CACNA1B: variants seen among roughly 807,000 people sequenced by gnomAD.
CACNA1B encodes the protein calcium voltage-gated channel subunit alpha1 B.
A neutral mutation model predicts 247.2 loss-of-function variants in CACNA1B; 70 were observed. The observed-to-expected ratio is 0.28, with a 90% CI of 0.23 to 0.35. The LOEUF (loss-of-function observed/expected upper bound fraction) is 0.35. Among genes scored for constraint, CACNA1B ranks in the 10% least tolerant of loss-of-function variants. CACNA1B has a pLI of 1.00. For synonymous variants in CACNA1B, 1,231 were observed against 1,294.4 expected (o/e 0.95, Z 1.05); for missense variants, 2,367 against 3,197.4 (o/e 0.74, Z 6.26).
At chr9:138,080,240 GA>G (rs1208487295) in intron 36 of CACNA1B, among the ~76,000 whole-genome samples, 1 of 152,180 alleles carries the variant, frequency 6.6e-6, no homozygotes, top group Non-Finnish European at 1.5e-5. Context: ...TATTGTGCTG[GA>G]CGTGGGATCA....
intron 3 of CACNA1B, among the ~76,000 whole-genome samples, chr9:137,906,192 G>A (rs1027686934): frequency 6.6e-6 from 1 of 152,160 alleles, no homozygotes; most frequent in African/African-American, 2.4e-5. Flanking sequence ...GATGTTTTCC[G>A]GCCCCAGAGG....
At chr9:137,985,419 C>A (rs1958345307) in intron 13 of CACNA1B, among the ~76,000 whole-genome samples, 1 of 152,186 alleles carries the variant, frequency 6.6e-6, no homozygotes, top group Admixed American at 6.5e-5. Context: ...GGTCTGGCAT[C>A]TTAGGCTCCA....
intron 20 of CACNA1B, 46 bp downstream of exon 20, chr9:138,025,218 G>A (rs896528428): frequency 7.4e-7 from 1 of 1,349,144 alleles, no homozygotes; most frequent in Non-Finnish European, 1.0e-6. Flanking sequence ...TCTTGTGCAG[G>A]TCCAGCAACC....
At chr9:138,041,227 C>T (rs997449756) in intron 20 of CACNA1B, among the ~76,000 whole-genome samples, 1 of 152,178 alleles carries the variant, frequency 6.6e-6, no homozygotes, top group Non-Finnish European at 1.5e-5. Context: ...CACCTTGAAG[C>T]GAACCCAAGG....
In CACNA1B at chr9:137,917,981, C is replaced by T. The variant is rs748070035; in HGVS notation, c.966+550C>T. Among the ~76,000 whole-genome samples the T allele has an allele frequency of 7.9e-5, 12 of 152,218 alleles. No homozygotes were observed. The highest frequency in any genetic ancestry group is 2.1e-4 in the South Asian group (1 of 4,832). Reference sequence around the variant, plus strand: ...CTGGGCCTCCCGTCCCCAGGCTGCCCGGCGAAGGTGGTGAACCGCGGAGCA... The same window carrying T: ...CTGGGCCTCCCGTCCCCAGGCTGCCTGGCGAAGGTGGTGAACCGCGGAGCA... On this transcript the variant is annotated intron_variant, in intron 6 of 46. Transcript: ENST00000371372. The surrounding 1 kb of genome is among the most constrained non-coding windows in gnomAD (Gnocchi z 5.5).
At chr9:137,897,510 G>A (rs1443010689) in intron 3 of CACNA1B, among the ~76,000 whole-genome samples, 1 of 152,042 alleles carries the variant, frequency 6.6e-6, no homozygotes, top group East Asian at 1.9e-4. Context: ...AACCCGGAAG[G>A]TAGAGGTTGC....
intron 3 of CACNA1B, among the ~76,000 whole-genome samples, chr9:137,910,271 A>T (rs921387506): frequency 7.9e-5 from 12 of 152,098 alleles, no homozygotes; most frequent in Non-Finnish European, 1.6e-4. Flanking sequence ...AAGAGTATTT[A>T]TATTTTCTGG....
intron 15 of CACNA1B, among the ~76,000 whole-genome samples, chr9:137,998,969 ACTTTGAC>A (rs1958532104): frequency 6.6e-6 from 1 of 152,210 alleles, no homozygotes; most frequent in South Asian, 2.1e-4. Flanking sequence ...ACATTTGCAG[ACTTTGAC>A]CATTTATTAG....
At chr9:138,004,719 A>G (rs982155023) in intron 15 of CACNA1B, among the ~76,000 whole-genome samples, 1 of 152,148 alleles carries the variant, frequency 6.6e-6, no homozygotes, top group Non-Finnish European at 1.5e-5. Context: ...AACCCTAAAG[A>G]CTTGGATCCA....
chr9:137,956,642 A>C (rs2133344467), intron 8 of CACNA1B, 129 bp from the exon 9 acceptor site: 1 of 635,040 alleles, frequency 1.6e-6, no homozygotes, highest in African/African-American at 1.9e-5. Context: ...TGACAGAGCG[A>C]GACTCCATCT....
chr9:138,031,567 T>C (rs1958988646), intron 20 of CACNA1B, among the ~76,000 whole-genome samples: 1 of 152,222 alleles, frequency 6.6e-6, no homozygotes, highest in Admixed American at 6.5e-5. Context: ...ATTCGGATTT[T>C]CTGTCTAGAT....
rs137946911 is a variant in CACNA1B at position 138,052,622 on chromosome 9, G to T, written c.3807+434G>T. 4.0e-3 allele frequency among the ~76,000 whole-genome samples: 611 copies of T among 152,346 alleles called. 1 individual carries two copies. Among genetic ancestry groups the T allele is most frequent in the South Asian group, 8.5e-3 (41 of 4,830 alleles). On this transcript the variant is annotated intron_variant, in intron 25 of 46. Transcript: ENST00000371372. This position sits in a 1 kb window ranked among gnomAD's most constrained non-coding sequence, Gnocchi z 5.1. ...GCTGAAACCTAGTAATTGTGAGCTT[G>T]TGCTAGGCCCTGTGCGAATTGCTTC...
At chr9:138,096,910 G>T (rs556723779) in intron 37 of CACNA1B, among the ~76,000 whole-genome samples, 1 of 150,840 alleles carries the variant, frequency 6.6e-6, no homozygotes, top group Non-Finnish European at 1.5e-5. Context: ...GTTTTCAAGG[G>T]GCTTGTGAGA....
intron 34 of CACNA1B, among the ~76,000 whole-genome samples, chr9:138,074,575 G>A (rs1213909269): frequency 1.3e-5 from 2 of 152,236 alleles, no homozygotes; most frequent in East Asian, 1.9e-4. Flanking sequence ...ACTGTTTTGC[G>A]GAGGAGGACA....
At position 138,050,520 on chromosome 9, in the gene CACNA1B, A is replaced by G. The variant is rs1447845686; in HGVS notation, c.3710+1205A>G. Among the ~76,000 whole-genome samples, 2 of 152,146 alleles carry G rather than the reference A, an allele frequency of 1.3e-5. No individual in the cohort carries two copies. The highest frequency in any genetic ancestry group is 2.9e-5 in the Non-Finnish European group (2 of 68,024). On this transcript the variant is annotated intron_variant, in intron 24 of 46. Transcript: ENST00000371372. This position sits in a 1 kb window ranked among gnomAD's most constrained non-coding sequence, Gnocchi z 5.2. The stretch of plus-strand genomic sequence containing the variant: ...ACTCCAGCCCCCTGCAGTTCCCACT[A>G]TTTCCTCTTTCTGTGATAAAGGAAT...
chr9:138,040,475 A>G (rs1959104489), intron 20 of CACNA1B: 4 of 198,390 alleles, frequency 2.0e-5, no homozygotes, highest in Non-Finnish European at 9.3e-6. Context: ...TGTATCTCCT[A>G]TATATCATAT....
intron 40 of CACNA1B, among the ~76,000 whole-genome samples, chr9:138,113,820 C>A (rs1419880387): frequency 3.4e-4 from 21 of 62,126 alleles, no homozygotes; most frequent in Admixed American, 9.4e-4. Context: ...GAGGGAGCGC[C>A]GGGAGGTGCC....
At position 138,033,477 on chromosome 9, in the gene CACNA1B, CAGT is replaced by C. The variant is rs1959008414; in HGVS notation, c.3286+8306_3286+8308del. Among the ~76,000 whole-genome samples the C allele has an allele frequency of 5.3e-5, 8 of 152,200 alleles. No homozygotes were observed. The South Asian group carries it at 1.2e-3, about 24-fold the overall frequency. ...GAATTTTGGTTGAAACCTAGACTCT[CAGT>C]GGTATTGTGTTATGAGCCCTAAGTC... On this transcript the variant is annotated intron_variant, in intron 20 of 46. Transcript: ENST00000371372.
chr9:137,893,156 C>T (rs1006827967), intron 3 of CACNA1B, among the ~76,000 whole-genome samples: 2 of 151,596 alleles, frequency 1.3e-5, no homozygotes, highest in Non-Finnish European at 2.9e-5. Flanking sequence ...GGTGAAGGCC[C>T]GGTGCACAGC....
Sources: allele counts gnomAD v4.1 joint callset (sites outside exome capture counted in the v4.1 genomes callset), GRCh38; gene constraint gnomAD v4.1.1; non-coding constraint Gnocchi (gnomAD v3.1); transcripts MANE v1.5; gene names NCBI Gene and HGNC (gene_info 2026-07-23, HGNC 2026-07-21).